Variants in GLRX3 observed in about 807,000 individuals in gnomAD.
GLRX3 encodes the protein glutaredoxin 3, also known as glutaredoxin-3.
Under a neutral mutation model 49.5 loss-of-function variants are expected in GLRX3, and 22 were observed. The observed-to-expected ratio is 0.44, with a 90% CI of 0.32 to 0.63. The LOEUF (loss-of-function observed/expected upper bound fraction) is 0.63. Ranked by LOEUF, GLRX3 falls within the 30% of genes least tolerant of loss-of-function variation. GLRX3 has a pLI of 0.05. For synonymous variants in GLRX3, 133 were observed against 140.0 expected (o/e 0.95, Z 0.35); for missense variants, 385 against 396.3 (o/e 0.97, Z 0.24).
intron 2 of GLRX3, among the ~76,000 whole-genome samples, chr10:130,149,191 C>A (rs969085815): frequency 2.0e-5 from 3 of 152,090 alleles, no homozygotes; most frequent in African/African-American, 7.2e-5. Flanking sequence ...GTCACACCTC[C>A]TAGGGCCCAG....
chr10:130,170,554 T>C (rs1862784401), intron 7 of GLRX3, among the ~76,000 whole-genome samples: 1 of 152,152 alleles, frequency 6.6e-6, no homozygotes, highest in African/African-American at 2.4e-5. Context: ...TTGATTTTGG[T>C]TCAGTGTATT....
At chr10:130,149,147 T>C (rs1164751627) in intron 2 of GLRX3, among the ~76,000 whole-genome samples, 20 of 152,158 alleles carry the variant, frequency 1.3e-4, no homozygotes, top group Admixed American at 1.3e-3. Context: ...CACTGCCATG[T>C]CTAGTGGGCT....
At chr10:130,140,106 G>C (rs1862146364) in intron 1 of GLRX3, among the ~76,000 whole-genome samples, 1 of 152,128 alleles carries the variant, frequency 6.6e-6, no homozygotes, top group Non-Finnish European at 1.5e-5. Flanking sequence ...TTGTACAATG[G>C]GGTTATTAAT....
intron 2 of GLRX3, among the ~76,000 whole-genome samples, chr10:130,154,487 A>G (rs1220510902): frequency 1.1e-4 from 17 of 152,066 alleles, no homozygotes; most frequent in Admixed American, 1.1e-3. Context: ...AGCCTAAACT[A>G]TCAAAACTGT....
Position 130,136,569 on chromosome 10 carries a change from C to T in GLRX3, c.92+57C>T, listed in dbSNP as rs558243699. On this transcript the variant is annotated intron_variant, in intron 1 of 10. Transcript: ENST00000331244. ...AGCCGGAGCGGGAGCGGCCGCGAGA[C>T]CGGGCCGGTGTGGGGCGGCGGGTGG... The T allele has an allele frequency of 2.3e-4, 284 of 1,244,182 alleles. 1 individual carries two copies. In the African/African-American group the frequency reaches 3.9e-3, roughly 17 times the overall value. The allele number at this position is 1,244,182 out of a possible 1,614,324, so 77.1% of individuals were successfully genotyped here.
Position 130,174,850 on chromosome 10 carries a change from T to C in GLRX3, c.825-17T>C. The C allele has an allele frequency of 6.6e-7, 1 of 1,512,194 alleles. No homozygotes were observed. Among genetic ancestry groups the C allele is most frequent in the Non-Finnish European group, 9.2e-7 (1 of 1,087,832 alleles). 93.7% of individuals were successfully genotyped at this position (1,512,194 alleles called of 1,614,324 possible). ...TTTAACTGTATTTCCAGTTAAAATG[T>C]CTTCTCTTTTTTGCAGTGTTGAATA... is the stretch of plus-strand genomic sequence containing the variant. On this transcript the variant is annotated splice_polypyrimidine_tract_variant and intron_variant, in intron 8 of 10. Coordinates refer to ENST00000331244, the MANE Select transcript of GLRX3 (RefSeq NM_006541.5).
intron 8 of GLRX3, 43 bp downstream of exon 8, chr10:130,171,679 A>T: frequency 9.5e-7 from 1 of 1,056,636 alleles, no homozygotes; most frequent in Non-Finnish European, 1.5e-6. Flanking sequence ...AAAAAATTCC[A>T]ACCTGGCCAG....
intron 2 of GLRX3, among the ~76,000 whole-genome samples, chr10:130,155,858 C>G (rs145499745): frequency 1.3e-5 from 2 of 152,114 alleles, no homozygotes; most frequent in Admixed American, 1.3e-4. Flanking sequence ...ATGACAGAAA[C>G]GGACACTGAG....
At chr10:130,163,820 A>T (rs1862630009) in intron 4 of GLRX3, among the ~76,000 whole-genome samples, 1 of 152,118 alleles carries the variant, frequency 6.6e-6, no homozygotes, top group Non-Finnish European at 1.5e-5. Context: ...GCGTAGGCAA[A>T]GCTCCCTTTA....
intron 10 of GLRX3, among the ~76,000 whole-genome samples, chr10:130,177,702 G>A (rs1862950398): frequency 6.6e-6 from 1 of 152,178 alleles, no homozygotes; most frequent in African/African-American, 2.4e-5. Flanking sequence ...GTCCTGCTGG[G>A]TCCCTTGGAG....
chr10:130,143,104 A>C (rs953040115), intron 1 of GLRX3, among the ~76,000 whole-genome samples: 1 of 152,210 alleles, frequency 6.6e-6, no homozygotes, highest in African/African-American at 2.4e-5. Flanking sequence ...GCATAGTGCC[A>C]CCACTAGCCA....
intron 2 of GLRX3, among the ~76,000 whole-genome samples, chr10:130,147,784 G>A (rs1166008983): frequency 6.6e-6 from 1 of 152,182 alleles, no homozygotes; most frequent in Non-Finnish European, 1.5e-5. Context: ...GCTCACACCT[G>A]TAATCCCAAC....
intron 5 of GLRX3, 96 bp downstream of exon 5, chr10:130,166,775 A>G (rs1862699588): frequency 2.0e-6 from 2 of 1,000,374 alleles, no homozygotes; most frequent in Non-Finnish European, 3.1e-6. Flanking sequence ...TTTCTTATGA[A>G]TCTATATTTA....
At chr10:130,146,940 CCAAA>C (rs2134878773) in intron 2 of GLRX3, among the ~76,000 whole-genome samples, 1 of 152,298 alleles carries the variant, frequency 6.6e-6, no homozygotes, top group East Asian at 1.9e-4. Flanking sequence ...GCTCAAAATT[CCAAA>C]CAGTGTAGAA....
At chr10:130,162,441 C>T (rs1032211974) in intron 4 of GLRX3, among the ~76,000 whole-genome samples, 11 of 152,258 alleles carry the variant, frequency 7.2e-5, no homozygotes, top group African/African-American at 1.4e-4. Flanking sequence ...TTGTTTTTAA[C>T]GGGGGTTGCA....
chr10:130,159,172 A>G (rs1479038168), intron 2 of GLRX3, among the ~76,000 whole-genome samples: 4 of 152,186 alleles, frequency 2.6e-5, no homozygotes, highest in Non-Finnish European at 5.9e-5. Context: ...TTGGTTTCAA[A>G]AGTTTATATT....
At chr10:130,166,735 T>A in intron 5 of GLRX3, 56 bp downstream of exon 5, 1 of 1,232,800 alleles carries the variant, frequency 8.1e-7, no homozygotes, top group Non-Finnish European at 1.2e-6. Flanking sequence ...GCATACTTTT[T>A]AAAATGTTGT....
intron 10 of GLRX3, among the ~76,000 whole-genome samples, chr10:130,177,046 G>A (rs150473847): frequency 1.3e-5 from 2 of 152,214 alleles, no homozygotes; most frequent in East Asian, 3.9e-4. Context: ...TGAAATGTGT[G>A]ATATTGTTAA....
rs371175654 is a variant in GLRX3, at chr10:130,160,784, T to G, written c.277-12T>G. On this transcript the variant is annotated splice_polypyrimidine_tract_variant and intron_variant, in intron 3 of 10. Transcript: ENST00000331244. ...ATGCTGCATGTATTCTAAATAACTTTTTAAACTTTAGAATTCTCAGAAAAT... is the reference window on the plus strand; with the variant it reads ...ATGCTGCATGTATTCTAAATAACTTGTTAAACTTTAGAATTCTCAGAAAAT... The G allele has an allele frequency of 6.6e-7, 1 of 1,507,510 alleles. No individual in the cohort carries two copies. The highest frequency in any genetic ancestry group is 1.4e-5 in the African/African-American group (1 of 72,904). The allele number at this position is 1,507,510 out of a possible 1,614,324, so 93.4% of individuals were successfully genotyped here.
Sources: gnomAD v4.1 joint callset for allele counts (sites outside exome capture counted in the v4.1 genomes callset) on GRCh38, gnomAD v4.1.1 for gene constraint, MANE v1.5 for transcripts, NCBI Gene and HGNC (gene_info 2026-07-23, HGNC 2026-07-21) for gene names.